OR9A4: variants seen among roughly 807,000 people sequenced by gnomAD.
OR9A4 encodes olfactory receptor family 9 subfamily A member 4.
Under a neutral mutation model 17.1 loss-of-function variants are expected in OR9A4, and 16 were observed. That is an observed-to-expected ratio of 0.94 (90% CI 0.64 to 1.43). The LOEUF is 1.43. Among genes scored for constraint, OR9A4 ranks in the 40% most tolerant of loss-of-function variants. The pLI is 0.00. For missense variants in OR9A4, 392 were observed against 382.1 expected, an observed-to-expected ratio of 1.03 and a Z score of -0.22; for synonymous variants, 167 against 143.3, an observed-to-expected ratio of 1.17 and a Z score of -1.18.
In OR9A4 at chr7:141,919,712, A is replaced by T; in HGVS notation, c.837A>T (p.Ser279=). ...ATTGGGTAGTTTCCCTGATGGTTTC[A>T]GTAGTAACTCCTTTCCTCAATCCTT... is the stretch of plus-strand genomic sequence containing the variant. The part of the protein sequence containing the change: ...DYNWVVSLMV[S]VVTPFLNPFI... The change falls in exon 2 of 2, where the codon TCA becomes TCT. Residue 279 remains serine, a synonymous_variant. Transcript: ENST00000641559. 1 of 1,614,190 alleles carries T rather than the reference A, an allele frequency of 6.2e-7. No homozygotes were observed. Among genetic ancestry groups the T allele is most frequent in the Non-Finnish European group, 8.5e-7 (1 of 1,180,032 alleles).
chr7:141,919,510 T>G lies in OR9A4; in HGVS notation c.635T>G (p.Ile212Ser). 6.2e-7 allele frequency: 1 copy of G among 1,614,170 alleles called. No homozygotes were observed. Among genetic ancestry groups the G allele is most frequent in the Non-Finnish European group, 8.5e-7 (1 of 1,180,018 alleles). The change falls in exon 2 of 2, where the codon ATC (isoleucine) becomes AGC (serine). Residue 212 changes from isoleucine to serine, a missense_variant. Ile to Ser is a moderately radical substitution (Grantham distance 142, BLOSUM62 -2). Transcript: ENST00000641559. ...MAVFVLFGSL[I>S]PTIVSNAYII... Reference sequence around the variant, plus strand: ...GTTTTTGTTCTCTTTGGTTCTTTGATCCCTACAATTGTCTCCAACGCCTAC... The same window carrying G: ...GTTTTTGTTCTCTTTGGTTCTTTGAGCCCTACAATTGTCTCCAACGCCTAC...
chr7:141,919,501 G>A lies in OR9A4; in HGVS notation c.626G>A (p.Gly209Asp). Residue 209 changes from glycine to aspartate, a missense_variant, in exon 2 of 2, where the codon GGT becomes GAT. By Grantham distance (94) the Gly-to-Asp change is moderately conservative. Transcript: ENST00000641559. ...TTAATGGCTGTTTTTGTTCTCTTTG[G>A]TTCTTTGATCCCTACAATTGTCTCC... ...LFLMAVFVLF[G>D]SLIPTIVSNA... 2 of 1,613,952 alleles carry A rather than the reference G, an allele frequency of 1.2e-6. No individual in the cohort carries two copies. Among genetic ancestry groups the A allele is most frequent in the Non-Finnish European group, 1.7e-6 (2 of 1,179,988 alleles).
In OR9A4 at chr7:141,919,234, T is replaced by G; in HGVS notation, c.359T>G (p.Val120Gly). 1 of 1,614,172 alleles carries G rather than the reference T, an allele frequency of 6.2e-7. No individual in the cohort carries two copies. The highest frequency in any genetic ancestry group is 8.5e-7 in the Non-Finnish European group (1 of 1,180,028). The change falls in exon 2 of 2, where the codon GTG becomes GGG. Residue 120 changes from valine to glycine, a missense_variant. By Grantham distance (109) the Val-to-Gly change is moderately radical. Coordinates refer to ENST00000641559, the MANE Select transcript of OR9A4 (RefSeq NM_001001656.3). ...TEFALLGAMAVDRYVAVCNPL... is the reference protein window; with the variant it reads ...TEFALLGAMAGDRYVAVCNPL... ...TTCGCATTACTTGGAGCAATGGCTG[T>G]GGACCGTTATGTGGCTGTCTGTAAC...
rs200894395 is a variant in OR9A4, at chr7:141,919,753, G to C, written c.878G>C (p.Arg293Pro). The part of the protein sequence containing the change: ...PFLNPFIFTL[R>P]NDKVIEALRD... ...CTCAATCCTTTCATCTTCACCCTCC[G>C]GAATGATAAAGTCATAGAGGCCCTT... Residue 293 changes from arginine to proline, a missense_variant, in exon 2 of 2, where the codon CGG becomes CCG. Transcript: ENST00000641559. The C allele has an allele frequency of 6.8e-6, 11 of 1,614,000 alleles. No individual in the cohort carries two copies. Among genetic ancestry groups the C allele is most frequent in the South Asian group, 2.2e-5 (2 of 91,090 alleles).
Position 141,918,998 on chromosome 7 carries a change from C to A in OR9A4, c.123C>A (p.Asn41Lys), listed in dbSNP as rs1255239322. The stretch of plus-strand genomic sequence containing the variant: ...TCTACTTGGTGACATTAATGGGAAA[C>A]ACAGTCATCATCATGATTGTCTGTG... ...FFFYLVTLMG[N>K]TVIIMIVCVD... is the part of the protein sequence containing the mutation. Residue 41 changes from asparagine to lysine, a missense_variant, in exon 2 of 2, where the codon AAC (asparagine) becomes AAA (lysine). Coordinates refer to ENST00000641559, the MANE Select transcript of OR9A4 (RefSeq NM_001001656.3). The A allele has an allele frequency of 2.5e-6, 4 of 1,609,322 alleles. No individual in the cohort carries two copies. Among genetic ancestry groups the A allele is most frequent in the Non-Finnish European group, 2.5e-6 (3 of 1,179,862 alleles).
In OR9A4 at chr7:141,920,202, A is replaced by G; in HGVS notation, c.*382A>G. 2 of 163,150 alleles carry G rather than the reference A, an allele frequency of 1.2e-5. No individual in the cohort carries two copies. Among genetic ancestry groups the G allele is most frequent in the Non-Finnish European group, 2.7e-5 (2 of 75,398 alleles). 10.1% of individuals were successfully genotyped at this position (163,150 alleles called of 1,614,324 possible). A position where few individuals can be genotyped will look rare whatever the true frequency, so the allele number is the denominator to read the frequency against. ...TAGGGTAGTGATAGCTATGGGGTAC[A>G]GGCTTTCTTTTTGAAATGATGGTTG... On this transcript the variant is annotated 3_prime_UTR_variant, in exon 2 of 2. Coordinates refer to ENST00000641559, the MANE Select transcript of OR9A4 (RefSeq NM_001001656.3).
In OR9A4 at chr7:141,919,467, A is replaced by G. The variant is rs781953354; in HGVS notation, c.592A>G (p.Ile198Val). ...CAATAATACTCTTTTCACGGAGTTTATCCTCTTCTTAATGGCTGTTTTTGT... is the reference window on the plus strand; with the variant it reads ...CAATAATACTCTTTTCACGGAGTTTGTCCTCTTCTTAATGGCTGTTTTTGT... ...SCNNTLFTEF[I>V]LFLMAVFVLF... The change falls in exon 2 of 2, where the codon ATC becomes GTC. Residue 198 changes from isoleucine to valine, a missense_variant. Coordinates refer to ENST00000641559, the MANE Select transcript of OR9A4 (RefSeq NM_001001656.3). 12 of 1,614,008 alleles carry G rather than the reference A, an allele frequency of 7.4e-6. No individual in the cohort carries two copies. The highest frequency in any genetic ancestry group is 1.1e-5 in the South Asian group (1 of 91,082).
chr7:141,919,981 G>A lies in OR9A4; in HGVS notation c.*161G>A. On this transcript the variant is annotated 3_prime_UTR_variant, in exon 2 of 2. Coordinates refer to ENST00000641559, the MANE Select transcript of OR9A4 (RefSeq NM_001001656.3). ...AAGTTACAGCTACGGTTTTTAGTATGCTTAGTTGTTACTTGAAACTCAGTC... is the reference window on the plus strand; with the variant it reads ...AAGTTACAGCTACGGTTTTTAGTATACTTAGTTGTTACTTGAAACTCAGTC... 2 of 570,356 alleles carry A rather than the reference G, an allele frequency of 3.5e-6. No homozygotes were observed. Among genetic ancestry groups the A allele is most frequent in the Non-Finnish European group, 5.9e-6 (2 of 336,180 alleles). 35.3% of individuals were successfully genotyped at this position (570,356 alleles called of 1,614,324 possible). A position where few individuals can be genotyped will look rare whatever the true frequency, so the allele number is the denominator to read the frequency against.
rs1180368597 is a variant in OR9A4 at position 141,919,420 on chromosome 7, G to A, written c.545G>A (p.Gly182Glu). ...NVVNNFFCDR[G>E]QLLKLSCNNT... The stretch of plus-strand genomic sequence containing the variant: ...GTGAACAATTTTTTTTGTGACCGAG[G>A]GCAATTGCTCAAACTATCCTGCAAT... The change falls in exon 2 of 2, where the codon GGG becomes GAG. Residue 182 changes from glycine (G) to glutamate (E), a missense_variant. Physicochemically the swap from Gly to Glu is moderately conservative, Grantham distance 98. Coordinates refer to ENST00000641559, the MANE Select transcript of OR9A4 (RefSeq NM_001001656.3). The A allele has an allele frequency of 6.2e-7, 1 of 1,613,874 alleles. No individual in the cohort carries two copies. The highest frequency in any genetic ancestry group is 1.3e-5 in the African/African-American group (1 of 74,878).
At position 141,920,310 on chromosome 7, in the gene OR9A4, T is replaced by A. The variant is rs1321768292; in HGVS notation, c.*490T>A. On this transcript the variant is annotated 3_prime_UTR_variant, in exon 2 of 2. Coordinates refer to ENST00000641559, the MANE Select transcript of OR9A4 (RefSeq NM_001001656.3). ...TTATGGAATGTGATTTATATTTCAA[T>A]AAAGCTTTTGAAAATAGTATATTAG... 1 of 152,438 alleles carries A rather than the reference T, an allele frequency of 6.6e-6. No homozygotes were observed. Among genetic ancestry groups the A allele is most frequent in the Admixed American group, 6.5e-5 (1 of 15,284 alleles). The allele number at this position is 152,438 out of a possible 1,614,324, so 9.4% of individuals were successfully genotyped here.
In OR9A4 at chr7:141,919,308, G is replaced by C. The variant is rs940980602; in HGVS notation, c.433G>C (p.Val145Leu). ...GAACAGACACACCTGCAACTTTGTG[G>C]TTCTTGTGTCATGGGTGTTTGGGTT... Reference protein sequence around the residue: ...IMNRHTCNFVVLVSWVFGFLF... With the variant: ...IMNRHTCNFVLLVSWVFGFLF... The change falls in exon 2 of 2, where the codon GTT becomes CTT. Residue 145 changes from valine (V) to leucine (L), a missense_variant. Val to Leu is a conservative substitution (Grantham distance 32). Transcript: ENST00000641559. 2 of 1,614,142 alleles carry C rather than the reference G, an allele frequency of 1.2e-6. No individual in the cohort carries two copies. The highest frequency in any genetic ancestry group is 1.7e-6 in the Non-Finnish European group (2 of 1,180,032).
chr7:141,919,878 G>T lies in OR9A4; in HGVS notation c.*58G>T. 1.5e-6 allele frequency: 2 copies of T among 1,301,632 alleles called. No homozygotes were observed. Among genetic ancestry groups the T allele is most frequent in the South Asian group, 1.5e-5 (1 of 68,232 alleles). 80.6% of individuals were successfully genotyped at this position (1,301,632 alleles called of 1,614,324 possible). ...CTTAGTATGGATTCTAGAATAATCTGAAAAGAACTTGCTCATCTTTGAACT... is the reference window on the plus strand; with the variant it reads ...CTTAGTATGGATTCTAGAATAATCTTAAAAGAACTTGCTCATCTTTGAACT... On this transcript the variant is annotated 3_prime_UTR_variant, in exon 2 of 2. Transcript: ENST00000641559.
rs782406021 is a variant in OR9A4 at position 141,918,836 on chromosome 7, T to C, written c.-30-10T>C. ...GGATAAGCGGTTGTTCTCTCTCTTTTGCTCTCTAGATTTCACAAGGAACAA... is the reference window on the plus strand; with the variant it reads ...GGATAAGCGGTTGTTCTCTCTCTTTCGCTCTCTAGATTTCACAAGGAACAA... On this transcript the variant is annotated splice_polypyrimidine_tract_variant and intron_variant, in intron 1 of 1. Transcript: ENST00000641559. 2.1e-6 allele frequency: 3 copies of C among 1,428,180 alleles called. No homozygotes were observed. The highest frequency in any genetic ancestry group is 2.3e-5 in the East Asian group (1 of 43,830). 88.5% of individuals were successfully genotyped at this position (1,428,180 alleles called of 1,614,324 possible). A position where few individuals can be genotyped will look rare whatever the true frequency, so the allele number is the denominator to read the frequency against.
In OR9A4 at chr7:141,919,115, G is replaced by A. The variant is rs1554439039; in HGVS notation, c.240G>A (p.Met80Ile). The part of the protein sequence containing the change: ...ILVTTIIVPV[M>I]LWGLLLPGMQ... ...TCACAACCATAATCGTCCCCGTGAT[G>A]CTTTGGGGATTGCTGCTCCCTGGGA... The change falls in exon 2 of 2, where the codon ATG becomes ATA. Residue 80 changes from methionine to isoleucine, a missense_variant. Met to Ile is a conservative substitution (Grantham distance 10, BLOSUM62 1). Transcript: ENST00000641559. The A allele has an allele frequency of 1.9e-6, 3 of 1,614,180 alleles. No homozygotes were observed. The highest frequency in any genetic ancestry group is 2.5e-6 in the Non-Finnish European group (3 of 1,180,030).
chr7:141,919,722 C>G lies in OR9A4; in HGVS notation c.847C>G (p.Pro283Ala), dbSNP rs782322628. 1.9e-6 allele frequency: 3 copies of G among 1,614,194 alleles called. No homozygotes were observed. The highest frequency in any genetic ancestry group is 1.7e-6 in the Non-Finnish European group (2 of 1,180,038). ...VVSLMVSVVT[P>A]FLNPFIFTLR... ...TTCCCTGATGGTTTCAGTAGTAACT[C>G]CTTTCCTCAATCCTTTCATCTTCAC... The change falls in exon 2 of 2, where the codon CCT becomes GCT. Residue 283 changes from proline to alanine, a missense_variant. Physicochemically the swap from Pro to Ala is conservative, Grantham distance 27. Transcript: ENST00000641559.
At chr7:141,918,746 A>C (rs1802225020) in intron 1 of OR9A4, 100 bp from the exon 2 acceptor site, 1 of 651,242 alleles carries the variant, frequency 1.5e-6, no homozygotes. Context: ...TAGTAGAGTC[A>C]GGTTATGGAG....
chr7:141,919,124 A>G lies in OR9A4; in HGVS notation c.249A>G (p.Gly83=). The G allele has an allele frequency of 6.2e-7, 1 of 1,613,944 alleles. No homozygotes were observed. Among genetic ancestry groups the G allele is most frequent in the South Asian group, 1.1e-5 (1 of 91,062 alleles). Residue 83 remains glycine (G), a synonymous_variant, in exon 2 of 2, where the codon GGA becomes GGG. Transcript: ENST00000641559. Reference sequence around the variant, plus strand: ...TAATCGTCCCCGTGATGCTTTGGGGATTGCTGCTCCCTGGGATGCAGACAA... The same window carrying G: ...TAATCGTCCCCGTGATGCTTTGGGGGTTGCTGCTCCCTGGGATGCAGACAA... ...TTIIVPVMLW[G]LLLPGMQTIY...
In OR9A4 at chr7:141,919,370, G is replaced by T. The variant is rs1554439086; in HGVS notation, c.495G>T (p.Gln165His). Residue 165 changes from glutamine (Q) to histidine (H), a missense_variant, in exon 2 of 2, where the codon CAG (glutamine) becomes CAT (histidine). Transcript: ENST00000641559. ...FQIWPVYVMF[Q>H]LTYCKSNVVN... ...TCTGGCCGGTCTATGTCATGTTTCA[G>T]CTTACTTACTGCAAATCAAATGTGG... is the stretch of plus-strand genomic sequence containing the variant. The T allele has an allele frequency of 6.2e-7, 1 of 1,614,114 alleles. No individual in the cohort carries two copies. The highest frequency in any genetic ancestry group is 1.3e-5 in the African/African-American group (1 of 75,016).
intron 1 of OR9A4, among the ~76,000 whole-genome samples, chr7:141,918,415 T>C (rs1346597676): frequency 2.6e-5 from 4 of 152,192 alleles, no homozygotes; most frequent in African/African-American, 9.7e-5. Flanking sequence ...AGGAATACTT[T>C]CTTATAATTG....
Sources: allele counts gnomAD v4.1 joint callset (sites outside exome capture counted in the v4.1 genomes callset), GRCh38; gene constraint gnomAD v4.1.1; transcripts MANE v1.5; gene names NCBI Gene and HGNC (gene_info 2026-07-23, HGNC 2026-07-21).